SOD2: variants seen among roughly 807,000 people sequenced by gnomAD.
SOD2 encodes the protein superoxide dismutase [Mn], mitochondrial.
SOD2 carries 11 observed loss-of-function variants against 27.0 expected under a neutral mutation model. The ratio of observed to expected loss-of-function variants is 0.41; its 90% CI spans 0.26 to 0.67. The LOEUF is 0.67. SOD2 is among the 30% of genes least tolerant of loss of function. SOD2 has a pLI of 0.34. For missense variants in SOD2, 250 were observed against 274.5 expected (o/e 0.91, Z 0.63); for synonymous variants, 105 against 103.0 (o/e 1.02, Z -0.12).
chr6:159,700,380 C>T (rs980382568), intron 1 of SOD2, among the ~76,000 whole-genome samples: 3 of 152,130 alleles, frequency 2.0e-5, no homozygotes, highest in East Asian at 1.9e-4. Flanking sequence ...GTTGGCCAGG[C>T]GCGGTGGCTC....
chr6:159,712,278 T>C (rs62636148), intron 1 of SOD2, among the ~76,000 whole-genome samples: 1,158 of 76,644 alleles, frequency 0.015, 21 homozygotes, highest in Non-Finnish European at 0.02. Context: ...ACCACTCACA[T>C]TGCTCTGATC....
chr6:159,727,557 A>G, upstream of SOD2: 1 of 988,702 alleles, frequency 1.0e-6, no homozygotes, highest in Non-Finnish European at 1.2e-6. Context: ...AGGGGAGCGC[A>G]GGGGTTGCGG....
chr6:159,717,946 T>A (rs374757226), intron 1 of SOD2, among the ~76,000 whole-genome samples: 1 of 151,870 alleles, frequency 6.6e-6, no homozygotes, highest in South Asian at 2.1e-4. Flanking sequence ...TATATATATA[T>A]ACACTCACAC....
At chr6:159,726,969 G>A in intron 1 of SOD2, 1 of 1,283,850 alleles carries the variant, frequency 7.8e-7, no homozygotes, top group Non-Finnish European at 1.0e-6. Context: ...CGAACACAGA[G>A]CGGCCAATCA....
At chr6:159,727,018 C>G in intron 1 of SOD2, 1 of 1,241,610 alleles carries the variant, frequency 8.1e-7, no homozygotes, top group Non-Finnish European at 1.0e-6. Context: ...ACGAGGCAGC[C>G]CCGCAGCCGC....
upstream of SOD2, among the ~76,000 whole-genome samples, chr6:159,693,661 G>A (rs888511177): frequency 1.3e-5 from 2 of 152,184 alleles, no homozygotes; most frequent in Middle Eastern, 3.2e-3. Flanking sequence ...CTGCCGGGGG[G>A]CCGCGGGGTC....
chr6:159,726,541 C>T (rs1756569263), intron 1 of SOD2: 1 of 339,614 alleles, frequency 2.9e-6, no homozygotes, highest in Non-Finnish European at 5.8e-6. Context: ...TGTTTAGAGA[C>T]TGTTTCACGT....
chr6:159,712,874 A>G (rs1777855307), intron 1 of SOD2: 35 of 637,226 alleles, frequency 5.5e-5, no homozygotes, highest in South Asian at 5.3e-4. Context: ...GAAAAGTTCT[A>G]CATAGGTGTG....
chr6:159,685,670 C>T (rs5746124), intron 3 of SOD2, among the ~76,000 whole-genome samples: 1 of 117,704 alleles, frequency 8.5e-6, no homozygotes, highest in Non-Finnish European at 2.0e-5. Context: ...AGTTTTCACC[C>T]CCCGTCCCCT....
Position 159,677,227 on chromosome 6 carries a change from C to A in SOD2, c.*5266G>T, listed in dbSNP as rs1338638156. 6.6e-6 allele frequency: 1 copy of A among 152,158 alleles called. No individual in the cohort carries two copies. Among genetic ancestry groups the A allele is most frequent in the African/African-American group, 2.4e-5 (1 of 41,410 alleles). 9.4% of individuals were successfully genotyped at this position (152,158 alleles called of 1,614,324 possible). ...GACTACTGGGTGCAACAATGGGACA[C>A]ACTGAAAGATGACTAGCATGTCATA... is the stretch of plus-strand genomic sequence containing the variant. On this transcript the variant is annotated 3_prime_UTR_variant, in exon 5 of 5. Transcript: ENST00000538183.
intron 1 of SOD2, 70 bp from the exon 2 acceptor site, chr6:159,692,933 G>A (rs1777301454): frequency 1.4e-6 from 2 of 1,400,140 alleles, no homozygotes; most frequent in East Asian, 2.7e-5. Flanking sequence ...GGCTGCCGAG[G>A]AACGGCAGCG....
chr6:159,720,123 C>T (rs879690719), intron 1 of SOD2, among the ~76,000 whole-genome samples: 2 of 151,748 alleles, frequency 1.3e-5, no homozygotes, highest in Non-Finnish European at 2.9e-5. Flanking sequence ...CTCTGCCTCC[C>T]GGGTTCAAGC....
In SOD2 at chr6:159,672,100, C is replaced by A. The variant is rs865844747; in HGVS notation, c.*10393G>T. The A allele has an allele frequency of 6.6e-6, 1 of 152,110 alleles. No homozygotes were observed. The allele number at this position is 152,110 out of a possible 1,614,324, so 9.4% of individuals were successfully genotyped here. Reference sequence around the variant, plus strand: ...AGAAATATGGGACTATGTGAAAAGACCAAATCTACGTCTGATTGGTGTACC... The same window carrying A: ...AGAAATATGGGACTATGTGAAAAGAACAAATCTACGTCTGATTGGTGTACC... On this transcript the variant is annotated 3_prime_UTR_variant, in exon 5 of 5. Coordinates refer to ENST00000538183, the MANE Select transcript of SOD2 (RefSeq NM_000636.4).
intron 1 of SOD2, chr6:159,760,239 T>C (rs1780095098): frequency 6.6e-6 from 1 of 152,138 alleles, no homozygotes; most frequent in Non-Finnish European, 1.5e-5. Context: ...CTGGAAGAGT[T>C]TGGTTTCAAT....
upstream of SOD2, chr6:159,693,310 C>A: frequency 2.0e-6 from 1 of 495,204 alleles, no homozygotes; most frequent in Non-Finnish European, 3.2e-6. Flanking sequence ...AGCTGCGCCG[C>A]AAGGGCACCG....
rs994144459 is a variant in SOD2 at position 159,709,577 on chromosome 6, A to T, written c.-115-16714T>A. 2.6e-5 allele frequency among the ~76,000 whole-genome samples: 4 copies of T among 152,344 alleles called. No individual in the cohort carries two copies. The East Asian group carries it at 7.7e-4, about 29-fold the overall frequency. On this transcript the variant is annotated intron_variant, in intron 1 of 2. Coordinates refer to the SOD2 transcript ENST00000401980. ...CAAAAGCACAATGAGATATCATCTC[A>T]CATCAGTAAGAATGGCAATCATTAA...
upstream of SOD2, among the ~76,000 whole-genome samples, chr6:159,747,837 T>C (rs1451372654): frequency 6.6e-6 from 1 of 152,180 alleles, no homozygotes; most frequent in African/African-American, 2.4e-5. Context: ...CCACTTTAAG[T>C]CCCAGATTTG....
rs550891284 is a variant in SOD2 at position 159,685,589 on chromosome 6, G to A, written c.344-556C>T. 3.9e-5 allele frequency among the ~76,000 whole-genome samples: 6 copies of A among 152,036 alleles called. No individual in the cohort carries two copies. The South Asian group carries it at 6.2e-4, about 16-fold the overall frequency. On this transcript the variant is annotated intron_variant, in intron 3 of 4. Coordinates refer to ENST00000538183, the MANE Select transcript of SOD2 (RefSeq NM_000636.4). The stretch of plus-strand genomic sequence containing the variant: ...GGGTACACGCACAGGTTTGTTACAC[G>A]GGTATCATATGATGCTGAGGTCTGG...
upstream of SOD2, chr6:159,727,699 G>C: frequency 2.0e-6 from 2 of 984,422 alleles, no homozygotes; most frequent in Non-Finnish European, 2.4e-6. Flanking sequence ...CTTCTGCCTG[G>C]AGAGGTAGGC....
Sources: allele counts gnomAD v4.1 joint callset (sites outside exome capture counted in the v4.1 genomes callset), GRCh38; gene constraint gnomAD v4.1.1; transcripts MANE v1.5; gene names NCBI Gene and HGNC (gene_info 2026-07-23, HGNC 2026-07-21).